PTBP3: variants seen among roughly 807,000 people sequenced by gnomAD.
The protein encoded by PTBP3 is polypyrimidine tract-binding protein 3.
PTBP3 carries 20 observed loss-of-function variants against 58.7 expected under a neutral mutation model. The ratio of observed to expected loss-of-function variants is 0.34; its 90% CI spans 0.24 to 0.50. The LOEUF is 0.50. Ranked by LOEUF, PTBP3 falls within the 20% of genes least tolerant of loss-of-function variation. PTBP3 has a pLI of 0.98. For missense variants in PTBP3, 509 were observed against 637.2 expected, an observed-to-expected ratio of 0.80 and a Z score of 2.17; for synonymous variants, 185 against 219.8, an observed-to-expected ratio of 0.84 and a Z score of 1.40.
intron 7 of PTBP3, among the ~76,000 whole-genome samples, chr9:112,242,031 TTAG>T (rs564900079): frequency 1.6e-3 from 243 of 152,342 alleles, no homozygotes; most frequent in Non-Finnish European, 3.1e-3. Flanking sequence ...TATTCAACTG[TTAG>T]TAGAATACTT....
intron 1 of PTBP3, among the ~76,000 whole-genome samples, chr9:112,325,852 T>C (rs1160977627): frequency 6.6e-6 from 1 of 152,070 alleles, no homozygotes; most frequent in Non-Finnish European, 1.5e-5. Context: ...ACCTAGTCTC[T>C]ACAAAAAACA....
At chr9:112,231,715 A>C (rs1463002436) in intron 9 of PTBP3, among the ~76,000 whole-genome samples, 2 of 150,468 alleles carry the variant, frequency 1.3e-5, no homozygotes, top group Non-Finnish European at 2.9e-5. Flanking sequence ...CAGCCTGGGC[A>C]ACATAGCAAG....
intron 1 of PTBP3, among the ~76,000 whole-genome samples, chr9:112,313,809 T>C (rs1040299236): frequency 6.6e-6 from 1 of 152,238 alleles, no homozygotes; most frequent in African/African-American, 2.4e-5. Context: ...AACTGTTCTT[T>C]AACCTATCTT....
At chr9:112,272,335 G>A (rs1827424573) in intron 3 of PTBP3, among the ~76,000 whole-genome samples, 1 of 152,122 alleles carries the variant, frequency 6.6e-6, no homozygotes, top group African/African-American at 2.4e-5. Flanking sequence ...AAAGTGGTGG[G>A]ATTACAGGCA....
At chr9:112,299,141 A>G (rs1213477854) in intron 1 of PTBP3, among the ~76,000 whole-genome samples, 1 of 152,212 alleles carries the variant, frequency 6.6e-6, no homozygotes, top group African/African-American at 2.4e-5. Context: ...AAATTAAAAC[A>G]TACACAACAT....
intron 2 of PTBP3, among the ~76,000 whole-genome samples, chr9:112,287,431 C>T (rs973098973): frequency 7.3e-5 from 11 of 150,946 alleles, no homozygotes; most frequent in Admixed American, 2.6e-4. Flanking sequence ...CCTCCGCCCC[C>T]GGGGGTTCAA....
chr9:112,247,540 CA>C (rs946788996), intron 7 of PTBP3, among the ~76,000 whole-genome samples: 2 of 111,680 alleles, frequency 1.8e-5, no homozygotes, highest in African/African-American at 4.2e-5. Context: ...TCCATCTCCA[CA>C]AAAAAAATGA....
rs904893094 is a variant in PTBP3, at chr9:112,231,533, G to C, written c.1021-120C>G. 6 of 692,984 alleles carry C rather than the reference G, an allele frequency of 8.7e-6. No individual in the cohort carries two copies. The South Asian group carries it at 1.4e-4, about 16-fold the overall frequency. 42.9% of individuals were successfully genotyped at this position (692,984 alleles called of 1,614,324 possible). Reference sequence around the variant, plus strand: ...AAGCATGGTTTTATATGCTTCTTCCGTATATACTAGTGATGAATTTTAATA... The same window carrying C: ...AAGCATGGTTTTATATGCTTCTTCCCTATATACTAGTGATGAATTTTAATA... On this transcript the variant is annotated intron_variant, in intron 9 of 13. Coordinates refer to ENST00000374257, the MANE Select transcript of PTBP3 (RefSeq NM_001163788.4).
intron 2 of PTBP3, among the ~76,000 whole-genome samples, chr9:112,286,456 CT>C (rs1360789161): frequency 6.6e-6 from 1 of 151,512 alleles, no homozygotes; most frequent in Admixed American, 6.6e-5. Context: ...TCCCTTTTTA[CT>C]TTTTTTTAAG....
Position 112,297,877 on chromosome 9 carries a change from C to G in PTBP3, c.-12G>C. On this transcript the variant is annotated 5_prime_UTR_variant, in exon 2 of 14. Coordinates refer to ENST00000374257, the MANE Select transcript of PTBP3 (RefSeq NM_001163788.4). ...GTAGAACTATTCATGGTAAAAGGTC[C>G]GTTAATGATGCCAGAAGAAAGAAGC... 6.2e-7 allele frequency: 1 copy of G among 1,612,320 alleles called. No individual in the cohort carries two copies. Among genetic ancestry groups the G allele is most frequent in the Non-Finnish European group, 8.5e-7 (1 of 1,179,414 alleles).
chr9:112,250,761 T>C (rs919410011), intron 7 of PTBP3, among the ~76,000 whole-genome samples, 168 bp downstream of exon 7: 1 of 152,202 alleles, frequency 6.6e-6, no homozygotes, highest in African/African-American at 2.4e-5. Context: ...CAGAACCTCC[T>C]AATATTAATA....
At chr9:112,280,540 T>C (rs371974291) in intron 2 of PTBP3, among the ~76,000 whole-genome samples, 24 of 152,302 alleles carry the variant, frequency 1.6e-4, no homozygotes, top group African/African-American at 4.3e-4. Context: ...CTTTATCAGG[T>C]TGAAAATGTT....
At chr9:112,235,831 G>A (rs1835418266) in intron 7 of PTBP3, among the ~76,000 whole-genome samples, 1 of 152,016 alleles carries the variant, frequency 6.6e-6, no homozygotes, top group Admixed American at 6.6e-5. Flanking sequence ...AGAAGGAAAG[G>A]GAATATCCTA....
chr9:112,275,724 C>T, intron 3 of PTBP3, 120 bp downstream of exon 3: 1 of 932,552 alleles, frequency 1.1e-6, no homozygotes, highest in Non-Finnish European at 1.5e-6. Flanking sequence ...ACTTTTAAAA[C>T]TAACTTATGT....
chr9:112,379,880 A>C, the PTBP3 span: 2 of 552,968 alleles, frequency 3.6e-6, no homozygotes, highest in South Asian at 2.1e-5. Flanking sequence ...CCGTACGACC[A>C]GTGAGGGGGC....
At chr9:112,358,100 G>C in the PTBP3 span, among the ~76,000 whole-genome samples, 8 of 152,212 alleles carry the variant, frequency 5.3e-5, no homozygotes, top group East Asian at 3.9e-4. Context: ...CTGAGGTCGG[G>C]AGTTCAAGAC....
chr9:112,360,818 T>C, the PTBP3 span, among the ~76,000 whole-genome samples: 3 of 151,968 alleles, frequency 2.0e-5, no homozygotes, highest in East Asian at 3.9e-4. Context: ...TCAAATAAAA[T>C]AGAATAAAAA....
the PTBP3 span, among the ~76,000 whole-genome samples, chr9:112,371,475 T>C: frequency 6.6e-6 from 1 of 152,110 alleles, no homozygotes; most frequent in Non-Finnish European, 1.5e-5. Context: ...AAGAGGTTGG[T>C]GGACATTCCA....
chr9:112,273,329 A>G (rs755712305), intron 3 of PTBP3, among the ~76,000 whole-genome samples: 1 of 152,206 alleles, frequency 6.6e-6, no homozygotes, highest in Non-Finnish European at 1.5e-5. Context: ...TATTTTTTCT[A>G]ATTTTTCTAA....
Sources: allele counts gnomAD v4.1 joint callset (sites outside exome capture counted in the v4.1 genomes callset), GRCh38; gene constraint gnomAD v4.1.1; transcripts MANE v1.5; gene names NCBI Gene and HGNC (gene_info 2026-07-23, HGNC 2026-07-21).